The following TNFSF11 variants were observed in gnomAD, a reference collection of about 807,000 sequenced individuals.
The protein encoded by TNFSF11 is TNF superfamily member 11, also known as tumor necrosis factor ligand superfamily member 11.
A neutral mutation model predicts 32.2 loss-of-function variants in TNFSF11; 12 were observed. The observed-to-expected ratio is 0.37, with a 90% CI of 0.24 to 0.60. TNFSF11 has a LOEUF of 0.60. TNFSF11 is among the 20% of genes least tolerant of loss of function. TNFSF11 has a pLI of 0.66. For missense variants in TNFSF11, 345 were observed against 398.0 expected, an observed-to-expected ratio of 0.87 and a Z score of 1.13; for synonymous variants, 172 against 152.1, an observed-to-expected ratio of 1.13 and a Z score of -0.96.
At chr13:42,565,000 T>C (rs1268184308) in intron 1 of TNFSF11, among the ~76,000 whole-genome samples, 1 of 152,222 alleles carries the variant, frequency 6.6e-6, no homozygotes, top group Non-Finnish European at 1.5e-5. Flanking sequence ...AGAAAATAGT[T>C]GGGCATTTGT....
At chr13:42,598,794 A>G in intron 2 of TNFSF11, among the ~76,000 whole-genome samples, 1 of 152,232 alleles carries the variant, frequency 6.6e-6, no homozygotes. Context: ...GGGAGAAAAT[A>G]AAAACCTGCA....
At chr13:42,569,038 G>A (rs1219052952) in intron 2 of TNFSF11, among the ~76,000 whole-genome samples, 1 of 152,158 alleles carries the variant, frequency 6.6e-6, no homozygotes, top group African/African-American at 2.4e-5. Context: ...AAGGAACCCA[G>A]GGGCCAGCAA....
intron 2 of TNFSF11, among the ~76,000 whole-genome samples, chr13:42,598,146 C>G (rs1868923672): frequency 6.6e-6 from 1 of 152,176 alleles, no homozygotes; most frequent in Non-Finnish European, 1.5e-5. Flanking sequence ...CATGCCTGGC[C>G]TGGCTTTCTT....
In TNFSF11 at chr13:42,574,220, C is replaced by T. The variant is rs2137851862; in HGVS notation, c.-84C>T. 6.6e-7 allele frequency: 1 copy of T among 1,509,948 alleles called. No homozygotes were observed. Among genetic ancestry groups the T allele is most frequent in the Admixed American group, 2.0e-5 (1 of 50,742 alleles). The allele number at this position is 1,509,948 out of a possible 1,614,324, so 93.5% of individuals were successfully genotyped here. Reference sequence around the variant, plus strand: ...GTCGGCGCCCCACGTCGAGGCTCCGCCGCAGCCTCCGGAGTTGGCCGCAGA... The same window carrying T: ...GTCGGCGCCCCACGTCGAGGCTCCGTCGCAGCCTCCGGAGTTGGCCGCAGA... On this transcript the variant is annotated 5_prime_UTR_variant, in exon 1 of 5. Transcript: ENST00000398795.
intron 1 of TNFSF11, among the ~76,000 whole-genome samples, chr13:42,576,418 A>G (rs1466050591): frequency 6.6e-6 from 1 of 152,102 alleles, no homozygotes; most frequent in Admixed American, 6.5e-5. Flanking sequence ...AGCAGTCTTG[A>G]TGCTGTATGG....
intron 2 of TNFSF11, among the ~76,000 whole-genome samples, chr13:42,583,138 C>T (rs138383803): frequency 1.3e-5 from 2 of 152,012 alleles, no homozygotes; most frequent in Non-Finnish European, 2.9e-5. Context: ...AGGGCAGGCA[C>T]GGTGGCTCAC....
chr13:42,598,398 GA>G (rs772486492), intron 2 of TNFSF11, among the ~76,000 whole-genome samples: 1 of 152,166 alleles, frequency 6.6e-6, no homozygotes, highest in Non-Finnish European at 1.5e-5. Flanking sequence ...ACCATATAAA[GA>G]TATACACAAT....
At chr13:42,589,825 T>TTGAATGGATGAATGGA (rs532598278) in intron 2 of TNFSF11, among the ~76,000 whole-genome samples, 5 of 152,358 alleles carry the variant, frequency 3.3e-5, no homozygotes, top group South Asian at 2.1e-4. Flanking sequence ...GTAAACTTTG[T>TTGAATGGATGAATGGA]TGAATGGATG....
chr13:42,584,509 C>G (rs867040434), intron 2 of TNFSF11, among the ~76,000 whole-genome samples: 18 of 152,146 alleles, frequency 1.2e-4, no homozygotes, highest in African/African-American at 3.4e-4. Context: ...TATCCCACTT[C>G]GTTTGCGATT....
At chr13:42,601,931 G>A (rs1011684887) in intron 4 of TNFSF11, among the ~76,000 whole-genome samples, 7 of 152,244 alleles carry the variant, frequency 4.6e-5, no homozygotes, top group African/African-American at 1.7e-4. Flanking sequence ...TCATGATGAT[G>A]ATAGGATTAG....
chr13:42,579,416 A>C (rs1594461894), intron 1 of TNFSF11, among the ~76,000 whole-genome samples: 1 of 30,566 alleles, frequency 3.3e-5, no homozygotes, highest in South Asian at 8.4e-4. Flanking sequence ...CCCTGTCTTC[A>C]AAAAAAAAAA....
chr13:42,593,760 A>G (rs184093524), intron 2 of TNFSF11, among the ~76,000 whole-genome samples: 2 of 152,218 alleles, frequency 1.3e-5, no homozygotes, highest in Non-Finnish European at 1.5e-5. Context: ...ACCCTGTATT[A>G]TATCTGGCAA....
chr13:42,590,189 T>C (rs554077930), intron 2 of TNFSF11, among the ~76,000 whole-genome samples: 1 of 152,368 alleles, frequency 6.6e-6, no homozygotes, highest in South Asian at 2.1e-4. Context: ...AGAACAAGTT[T>C]AATGAATATG....
chr13:42,582,686 GA>G (rs1873675902), intron 2 of TNFSF11, among the ~76,000 whole-genome samples: 1 of 152,204 alleles, frequency 6.6e-6, no homozygotes, highest in Admixed American at 6.5e-5. Flanking sequence ...GCTTCACGCA[GA>G]ATAGATGTAT....
At chr13:42,585,604 A>G (rs1385210990) in intron 2 of TNFSF11, among the ~76,000 whole-genome samples, 1 of 152,202 alleles carries the variant, frequency 6.6e-6, no homozygotes, top group Non-Finnish European at 1.5e-5. Context: ...ATGGTGTCTG[A>G]TTTATAAAGT....
At chr13:42,588,501 G>A (rs1429438969) in intron 2 of TNFSF11, among the ~76,000 whole-genome samples, 1 of 152,210 alleles carries the variant, frequency 6.6e-6, no homozygotes, top group African/African-American at 2.4e-5. Context: ...TAACCTTCCA[G>A]AAGTGGATGA....
At chr13:42,583,809 G>C (rs952930491) in intron 2 of TNFSF11, among the ~76,000 whole-genome samples, 14 of 152,104 alleles carry the variant, frequency 9.2e-5, no homozygotes, top group African/African-American at 2.9e-4. Context: ...TGTTCTGAAG[G>C]TGCCAGCTAA....
intron 1 of TNFSF11, among the ~76,000 whole-genome samples, chr13:42,579,964 A>G (rs2137863585): frequency 6.6e-6 from 1 of 152,278 alleles, no homozygotes; most frequent in Admixed American, 6.5e-5. Context: ...AATCTCAGAT[A>G]TGGATAGGCT....
chr13:42,601,218 A>G (rs1200436063), intron 4 of TNFSF11, among the ~76,000 whole-genome samples: 3 of 152,218 alleles, frequency 2.0e-5, no homozygotes, highest in Non-Finnish European at 1.5e-5. Context: ...ATGGATGCTT[A>G]TTTTAAATGA....
Sources: allele counts gnomAD v4.1 joint callset (sites outside exome capture counted in the v4.1 genomes callset), GRCh38; gene constraint gnomAD v4.1.1; transcripts MANE v1.5; gene names NCBI Gene and HGNC (gene_info 2026-07-23, HGNC 2026-07-21).